Variants in ZNF266 observed in about 807,000 individuals in gnomAD.
The protein encoded by ZNF266 is zinc finger protein 1.
ZNF266 carries 16 observed loss-of-function variants against 16.4 expected under a neutral mutation model. The observed-to-expected ratio is 0.98, with a 90% CI of 0.66 to 1.48. The LOEUF (loss-of-function observed/expected upper bound fraction) is 1.48. ZNF266 is among the 40% of genes most tolerant of loss of function. The pLI, the probability that ZNF266 is intolerant of heterozygous loss-of-function variation, is 0.00. For missense variants in ZNF266, 738 were observed against 689.1 expected, an observed-to-expected ratio of 1.07 and a Z score of -0.79; for synonymous variants, 262 against 237.9, an observed-to-expected ratio of 1.10 and a Z score of -0.93.
At chr19:9,421,856 T>G (rs1407254091) in intron 5 of ZNF266, among the ~76,000 whole-genome samples, 4 of 152,022 alleles carry the variant, frequency 2.6e-5, no homozygotes, top group African/African-American at 9.7e-5. Flanking sequence ...AACCTTTCTT[T>G]TTTTTTTTCT....
chr19:9,430,275 C>T (rs142613329), intron 5 of ZNF266, among the ~76,000 whole-genome samples: 2 of 152,266 alleles, frequency 1.3e-5, no homozygotes, highest in South Asian at 2.1e-4. Context: ...CAGTAGCTCC[C>T]GGCCAGAGTG....
At chr19:9,430,824 A>AG (rs2123451568) in intron 5 of ZNF266, among the ~76,000 whole-genome samples, 1 of 152,268 alleles carries the variant, frequency 6.6e-6, no homozygotes, top group East Asian at 1.9e-4. Flanking sequence ...GGAAAGCCTG[A>AG]GGGATAAGGC....
chr19:9,428,127 T>C (rs987368353), intron 5 of ZNF266, among the ~76,000 whole-genome samples: 2 of 152,140 alleles, frequency 1.3e-5, no homozygotes, highest in African/African-American at 4.8e-5. Context: ...CCTGACTTCC[T>C]GTTATTCACC....
rs1185480697 is a variant in ZNF266, at chr19:9,413,719, G to C, written c.1407C>G (p.His469Gln). The C allele has an allele frequency of 6.2e-7, 1 of 1,614,208 alleles. No individual in the cohort carries two copies. The highest frequency in any genetic ancestry group is 8.5e-7 in the Non-Finnish European group (1 of 1,180,034). Residue 469 changes from histidine to glutamine, a missense_variant, in exon 11 of 11, where the codon CAC becomes CAG. His to Gln is a conservative substitution (Grantham distance 24). Coordinates refer to ENST00000592904, the MANE Select transcript of ZNF266 (RefSeq NM_001370374.1). ...CACATTCAAAAGGCTTCTCTCCAGT[G>C]TGAGTTCTTGTATGTTCACTAAGGC... is the stretch of plus-strand genomic sequence containing the variant. ...SSRLSEHTRT[H>Q]TGEKPFECVK...
chr19:9,414,881 C>CA (rs1295017821), intron 10 of ZNF266, among the ~76,000 whole-genome samples, 161 bp from the exon 11 acceptor site: 2 of 152,190 alleles, frequency 1.3e-5, no homozygotes, highest in African/African-American at 2.4e-5. Flanking sequence ...AGCGGAATGA[C>CA]AAAAAACTCC....
Position 9,414,036 on chromosome 19 carries a change from C to T in ZNF266, c.1090G>A (p.Glu364Lys). The T allele has an allele frequency of 6.2e-7, 1 of 1,614,086 alleles. No homozygotes were observed. The highest frequency in any genetic ancestry group is 8.5e-7 in the Non-Finnish European group (1 of 1,180,012). The change falls in exon 11 of 11, where the codon GAA (glutamate) becomes AAA (lysine). Residue 364 changes from glutamate (E) to lysine (K), a missense_variant. Glu to Lys is a moderately conservative substitution (Grantham distance 56). Transcript: ENST00000592904. ...AAGGCTATCCCACATTCCTTGCATT[C>T]ATAAGGCTTCTCACCCACATGGATT... ...MKIHVGEKPY[E>K]CKECGIAFTR...
At position 9,424,442 on chromosome 19, in the gene ZNF266, G is replaced by A. The variant is rs529338302; in HGVS notation, c.-129-4224C>T. The stretch of plus-strand genomic sequence containing the variant: ...CAGAGGATTCGGACTCTGGGCGAAC[G>A]AAGATTTGTATTGCTCCTCCCTGGT... On this transcript the variant is annotated intron_variant, in intron 5 of 10. Coordinates refer to ENST00000592904, the MANE Select transcript of ZNF266 (RefSeq NM_001370374.1). 5.9e-5 allele frequency among the ~76,000 whole-genome samples: 9 copies of A among 152,262 alleles called. No homozygotes were observed. The East Asian group carries it at 7.7e-4, about 13-fold the overall frequency.
Position 9,413,361 on chromosome 19 carries a change from A to G in ZNF266, c.1765T>C (p.Cys589Arg), listed in dbSNP as rs749863835. 4.3e-6 allele frequency: 7 copies of G among 1,614,010 alleles called. No homozygotes were observed. In the African/African-American group the frequency reaches 8.0e-5, roughly 18 times the overall value. The change falls in exon 11 of 11, where the codon TGT (cysteine) becomes CGT (arginine). Residue 589 changes from cysteine to arginine, a missense_variant. Transcript: ENST00000592904. ...CTGAAGGCTTTCCCGCACTCCTTAC[A>G]TTCATAGGGTTTCTCTCCAGTGTGA... Reference protein sequence around the residue: ...RTHTGEKPYECKECGKAFSSS... With the variant: ...RTHTGEKPYERKECGKAFSSS...
At position 9,413,433 on chromosome 19, in the gene ZNF266, C is replaced by T. The variant is rs746662647; in HGVS notation, c.1693G>A (p.Gly565Arg). ...GEKPYKCKQC[G>R]KSFSYSNSFQ... ...GAATTGGAGTAACTGAAGGATTTCC[C>T]ACACTGTTTACATTTGTAGGGTTTT... The change falls in exon 11 of 11, where the codon GGG (glycine) becomes AGG (arginine). Residue 565 changes from glycine (G) to arginine (R), a missense_variant. Transcript: ENST00000592904. The T allele has an allele frequency of 8.7e-6, 14 of 1,613,894 alleles. No individual in the cohort carries two copies. In the Admixed American group the frequency reaches 1.2e-4, roughly 13 times the overall value.
At chr19:9,422,408 A>C (rs1049945221) in intron 5 of ZNF266, among the ~76,000 whole-genome samples, 9 of 152,152 alleles carry the variant, frequency 5.9e-5, no homozygotes. Context: ...CACAATTCAT[A>C]ACACAATATG....
Position 9,413,169 on chromosome 19 carries a change from T to G in ZNF266, c.*106A>C. On this transcript the variant is annotated 3_prime_UTR_variant, in exon 11 of 11. Transcript: ENST00000592904. ...GAATTCATATGTGTTCATTAAGACC[T>G]GAGATACAAAGTTGCTTCCACATTT... 412 of 1,365,900 alleles carry G rather than the reference T, an allele frequency of 3.0e-4. No homozygotes were observed. Among genetic ancestry groups the G allele is most frequent in the Non-Finnish European group, 3.7e-4 (374 of 1,004,558 alleles). 84.6% of individuals were successfully genotyped at this position (1,365,900 alleles called of 1,614,324 possible). A position where few individuals can be genotyped will look rare whatever the true frequency, so the allele number is the denominator to read the frequency against.
intron 9 of ZNF266, among the ~76,000 whole-genome samples, chr19:9,416,962 C>T (rs2047872423): frequency 1.3e-5 from 2 of 152,066 alleles, no homozygotes; most frequent in Admixed American, 1.3e-4. Flanking sequence ...TGAGCCACCA[C>T]ACCTGGCCCA....
At chr19:9,418,137 T>C (rs1467091415) in intron 8 of ZNF266, among the ~76,000 whole-genome samples, 1 of 152,174 alleles carries the variant, frequency 6.6e-6, no homozygotes, top group Non-Finnish European at 1.5e-5. Context: ...TTTATCCAAA[T>C]AGGAAGTTAA....
intron 9 of ZNF266, 47 bp from the exon 10 acceptor site, chr19:9,415,789 C>T (rs372794766): frequency 4.4e-5 from 65 of 1,492,312 alleles, no homozygotes; most frequent in Non-Finnish European, 5.3e-5. Context: ...ACAGGGTAGA[C>T]AGATGGAGCT....
intron 5 of ZNF266, among the ~76,000 whole-genome samples, chr19:9,432,791 A>AATC (rs111275732): frequency 0.56 from 85,176 of 151,464 alleles, 24,133 homozygotes; most frequent in Middle Eastern, 0.63. Context: ...TGGTGGGTTA[A>AATC]AACAAATAAA....
chr19:9,432,752 A>G (rs1432793526), intron 5 of ZNF266, among the ~76,000 whole-genome samples: 2 of 151,420 alleles, frequency 1.3e-5, no homozygotes, highest in Non-Finnish European at 2.9e-5. Flanking sequence ...CCAATTTTTG[A>G]TGAATTGGTA....
At chr19:9,433,110 C>T (rs926518250) in intron 5 of ZNF266, among the ~76,000 whole-genome samples, 3 of 152,130 alleles carry the variant, frequency 2.0e-5, no homozygotes, top group Non-Finnish European at 4.4e-5. Flanking sequence ...TGGGAAGAAA[C>T]CAGAGTACCC....
Position 9,422,699 on chromosome 19 carries a change from A to G in ZNF266, c.-129-2481T>C, listed in dbSNP as rs985116108. Among the ~76,000 whole-genome samples, 5 of 152,314 alleles carry G rather than the reference A, an allele frequency of 3.3e-5. 1 individual carries two copies. In the South Asian group the frequency reaches 1.0e-3, roughly 32 times the overall value. On this transcript the variant is annotated intron_variant, in intron 5 of 10. Transcript: ENST00000592904. ...CAATGACTAGCTCTAGTACCCGCTA[A>G]AAGTGCAGAGCAGAAGCACTACAGC...
Position 9,420,150 on chromosome 19 carries a change from C to T in ZNF266, c.-61G>A, listed in dbSNP as rs2069639436. The stretch of plus-strand genomic sequence containing the variant: ...CCTTTCCTTTACTCCAAGGATCACT[C>T]CAGGACAGCTTAGGAATCTACACGG... On this transcript the variant is annotated 5_prime_UTR_variant, in exon 6 of 11. Transcript: ENST00000592904. 1 of 151,714 alleles carries T rather than the reference C, an allele frequency of 6.6e-6. No homozygotes were observed. The allele number at this position is 151,714 out of a possible 1,614,324, so 9.4% of individuals were successfully genotyped here. A position where few individuals can be genotyped will look rare whatever the true frequency, so the allele number is the denominator to read the frequency against.
Sources: allele counts gnomAD v4.1 joint callset (sites outside exome capture counted in the v4.1 genomes callset), GRCh38; gene constraint gnomAD v4.1.1; transcripts MANE v1.5; gene names NCBI Gene and HGNC (gene_info 2026-07-23, HGNC 2026-07-21).